The following CELSR1 variants were observed in gnomAD, a reference collection of about 807,000 sequenced individuals.
CELSR1 encodes cadherin EGF LAG seven-pass G-type receptor 1, also known as adhesion G protein-coupled receptor C1.
A neutral mutation model predicts 249.1 loss-of-function variants in CELSR1; 110 were observed. That is an observed-to-expected ratio of 0.44 (90% CI 0.38 to 0.52). The LOEUF is 0.52. CELSR1 is among the 20% of genes least tolerant of loss of function. CELSR1 has a pLI of 0.00. For missense variants in CELSR1, 4,109 were observed against 4,296.4 expected (o/e 0.96, Z 1.22); for synonymous variants, 2,113 against 1,900.0 (o/e 1.11, Z -2.92).
At chr22:46,503,354 C>T (rs1337799326) in intron 1 of CELSR1, among the ~76,000 whole-genome samples, 3 of 152,236 alleles carry the variant, frequency 2.0e-5, no homozygotes, top group Admixed American at 6.5e-5. Context: ...GCACGCAGGA[C>T]GGGAGCCACA....
rs1361300913 is a variant in CELSR1, at chr22:46,473,053, G to T, written c.3545-8708C>A. On this transcript the variant is annotated intron_variant, in intron 1 of 34. Transcript: ENST00000674500. This position sits in a 1 kb window ranked among gnomAD's most constrained non-coding sequence, Gnocchi z 6.6. ...AACCCCGGGAATGCAGAGTAGCGGA[G>T]AGACACGGGCACGGAGGCAGGGGGT... is the stretch of plus-strand genomic sequence containing the variant. Among the ~76,000 whole-genome samples, 1 of 152,170 alleles carries T rather than the reference G, an allele frequency of 6.6e-6. No individual in the cohort carries two copies. The highest frequency in any genetic ancestry group is 1.5e-5 in the Non-Finnish European group (1 of 68,028).
chr22:46,367,052 G>A lies in CELSR1; in HGVS notation c.8146C>T (p.Leu2716Phe), dbSNP rs754271083. 2.5e-6 allele frequency: 4 copies of A among 1,611,192 alleles called. No individual in the cohort carries two copies. Among genetic ancestry groups the A allele is most frequent in the East Asian group, 4.5e-5 (2 of 44,870 alleles). ...TCCAGGTGCAGCTTCCTCCCGCCGA[G>A]CACGCCCTTCAGGTGCTTCCGGACC... Reference protein sequence around the residue: ...QEVRKHLKGVLGGRKLHLEDS... With the variant: ...QEVRKHLKGVFGGRKLHLEDS... The change falls in exon 29 of 35, where the codon CTC becomes TTC. Residue 2716 changes from leucine to phenylalanine, a missense_variant. Transcript: ENST00000674500.
At position 46,518,161 on chromosome 22, in the gene CELSR1, C is replaced by T. The variant is rs993226687; in HGVS notation, c.3544+15466G>A. Among the ~76,000 whole-genome samples the T allele has an allele frequency of 9.2e-5, 14 of 152,128 alleles. No individual in the cohort carries two copies. The highest frequency in any genetic ancestry group is 1.4e-4 in the African/African-American group (6 of 41,412). ...CTCAGGTGATGTGATCCATCCATCT[C>T]GACCTCCCAAAGTGCTGTGATTGCA... On this transcript the variant is annotated intron_variant, in intron 1 of 34. Coordinates refer to ENST00000674500, the MANE Select transcript of CELSR1 (RefSeq NM_001378328.1). The surrounding 1 kb of genome is among the most constrained non-coding windows in gnomAD (Gnocchi z 5.2).
intron 5 of CELSR1, among the ~76,000 whole-genome samples, chr22:46,418,932 G>T (rs9626869): frequency 6.6e-6 from 1 of 152,204 alleles, no homozygotes; most frequent in Admixed American, 6.5e-5. Context: ...CACAAGAACC[G>T]TGGGTCCGGA....
At chr22:46,482,954 C>T (rs185587772) in intron 1 of CELSR1, among the ~76,000 whole-genome samples, 20 of 152,248 alleles carry the variant, frequency 1.3e-4, no homozygotes, top group Admixed American at 1.2e-3. Context: ...CACGCACACA[C>T]AACAGAGCTG....
chr22:46,403,536 G>A (rs757273649), intron 9 of CELSR1, among the ~76,000 whole-genome samples: 13 of 150,390 alleles, frequency 8.6e-5, no homozygotes, highest in Non-Finnish European at 1.3e-4. Flanking sequence ...CAGCCTGGGC[G>A]ACAGAGCAAG....
At chr22:46,387,693 C>A (rs2147241506) in intron 18 of CELSR1, among the ~76,000 whole-genome samples, 1 of 152,222 alleles carries the variant, frequency 6.6e-6, no homozygotes, top group African/African-American at 2.4e-5. Flanking sequence ...TTTCATAAAT[C>A]CTGAACCCCA....
At chr22:46,457,078 G>C (rs78523820) in intron 2 of CELSR1, among the ~76,000 whole-genome samples, 72 of 152,288 alleles carry the variant, frequency 4.7e-4, no homozygotes, top group Non-Finnish European at 9.4e-4. Flanking sequence ...TCCACGTGGC[G>C]TGGACGTACA....
rs561505132 is a variant in CELSR1, at chr22:46,464,781, C to A, written c.3545-436G>T. The stretch of plus-strand genomic sequence containing the variant: ...CCTCCTCTGCACCTGCCCTGGCCTC[C>A]AGGGATCCCACCCTGCCCAACCTCC... On this transcript the variant is annotated intron_variant, in intron 1 of 34. Transcript: ENST00000674500. The surrounding 1 kb of genome is among the most constrained non-coding windows in gnomAD (Gnocchi z 8.5). Among the ~76,000 whole-genome samples the A allele has an allele frequency of 3.3e-5, 5 of 152,260 alleles. No individual in the cohort carries two copies. Among genetic ancestry groups the A allele is most frequent in the African/African-American group, 1.2e-4 (5 of 41,558 alleles).
Position 46,450,932 on chromosome 22 carries a change from G to A in CELSR1, c.4184-11521C>T, listed in dbSNP as rs73454559. The stretch of plus-strand genomic sequence containing the variant: ...TGAGTGAAACAGCTCATTTGGTACG[G>A]CTGTGAGCTACGCACCTGCGCAAGG... On this transcript the variant is annotated intron_variant, in intron 2 of 34. Coordinates refer to ENST00000674500, the MANE Select transcript of CELSR1 (RefSeq NM_001378328.1). Among the ~76,000 whole-genome samples, 1,250 of 152,308 alleles carry A rather than the reference G, an allele frequency of 8.2e-3. 14 individuals carry two copies. Among genetic ancestry groups the A allele is most frequent in the African/African-American group, 0.028 (1,173 of 41,560 alleles).
intron 2 of CELSR1, among the ~76,000 whole-genome samples, chr22:46,462,109 C>A (rs571962307): frequency 4.6e-5 from 7 of 152,208 alleles, no homozygotes; most frequent in Non-Finnish European, 8.8e-5. Flanking sequence ...GCCGCCTCTG[C>A]CTGCCTGCCT....
Position 46,433,972 on chromosome 22 carries a change from C to T in CELSR1, c.4523-491G>A, listed in dbSNP as rs1486150255. 6.6e-6 allele frequency among the ~76,000 whole-genome samples: 1 copy of T among 152,156 alleles called. No individual in the cohort carries two copies. Among genetic ancestry groups the T allele is most frequent in the Non-Finnish European group, 1.5e-5 (1 of 68,026 alleles). ...TGCTGGGATAACGGGCGTGAGCCAC[C>T]GCGCCTGGCCTTGTTCCTTTTCTAA... On this transcript the variant is annotated intron_variant, in intron 4 of 34. Transcript: ENST00000674500. The surrounding 1 kb of genome is among the most constrained non-coding windows in gnomAD (Gnocchi z 5.7).
rs780981462 is a variant in CELSR1 at position 46,535,380 on chromosome 22, G to A, written c.1791C>T (p.Asn597=). The stretch of plus-strand genomic sequence containing the variant: ...CCACCAGGCGATAGTGCAGCCGGGC[G>A]TTCTCTCCAGAGTCCGCGTCCACCG... ...IQAVDADSGE[N]ARLHYRLVDT... Residue 597 remains asparagine (N), a synonymous_variant, in exon 1 of 35, where the codon AAC becomes AAT. Transcript: ENST00000674500. 5.6e-6 allele frequency: 9 copies of A among 1,611,506 alleles called. No homozygotes were observed. Among genetic ancestry groups the A allele is most frequent in the East Asian group, 4.5e-5 (2 of 44,890 alleles).
chr22:46,389,258 T>C (rs545014927), intron 18 of CELSR1, 32 bp downstream of exon 18: 1 of 1,598,038 alleles, frequency 6.3e-7, no homozygotes, highest in East Asian at 2.2e-5. Flanking sequence ...TCCCCGAGTG[T>C]CCCCGAGCCA....
rs889304705 is a variant in CELSR1 at position 46,472,932 on chromosome 22, T to C, written c.3545-8587A>G. On this transcript the variant is annotated intron_variant, in intron 1 of 34. Transcript: ENST00000674500. This position sits in a 1 kb window ranked among gnomAD's most constrained non-coding sequence, Gnocchi z 7.0. ...CGCACCGGAAGCCAGTACAGCCTCA[T>C]GTCAACACCTCAATTACAGCTGCAA... Among the ~76,000 whole-genome samples the C allele has an allele frequency of 1.3e-5, 2 of 152,212 alleles. No homozygotes were observed. Among genetic ancestry groups the C allele is most frequent in the African/African-American group, 4.8e-5 (2 of 41,446 alleles).
chr22:46,436,097 A>G lies in CELSR1; in HGVS notation c.4522+77T>C, dbSNP rs150256682. ...AGGGTAAGCAGCTTGGAGGCGCTGCACAGGGCGAGGGTCGTTTTAACCCAC... is the reference window on the plus strand; with the variant it reads ...AGGGTAAGCAGCTTGGAGGCGCTGCGCAGGGCGAGGGTCGTTTTAACCCAC... On this transcript the variant is annotated intron_variant, in intron 4 of 34. Transcript: ENST00000674500. The surrounding 1 kb of genome is among the most constrained non-coding windows in gnomAD (Gnocchi z 5.9). 8.6e-5 allele frequency: 97 copies of G among 1,130,528 alleles called. 1 individual carries two copies. In the African/African-American group the frequency reaches 1.1e-3, roughly 13 times the overall value. 70.0% of individuals were successfully genotyped at this position (1,130,528 alleles called of 1,614,324 possible).
chr22:46,376,919 G>A (rs922047314), intron 24 of CELSR1, 142 bp downstream of exon 24: 21 of 823,624 alleles, frequency 2.5e-5, no homozygotes, highest in African/African-American at 2.0e-4. Flanking sequence ...GACCAGGCAC[G>A]TTCCTGAAAG....
intron 5 of CELSR1, among the ~76,000 whole-genome samples, chr22:46,416,018 G>A (rs558227496): frequency 6.6e-6 from 1 of 151,686 alleles, no homozygotes; most frequent in South Asian, 2.1e-4. Flanking sequence ...CTGTGGGGTG[G>A]CGTGTCCGCC....
chr22:46,434,921 T>C lies in CELSR1; in HGVS notation c.4522+1253A>G, dbSNP rs8141747. Among the ~76,000 whole-genome samples the C allele has an allele frequency of 0.018, 2,709 of 151,976 alleles. 77 individuals are homozygous for C. The highest frequency in any genetic ancestry group is 0.062 in the African/African-American group (2,583 of 41,452). The stretch of plus-strand genomic sequence containing the variant: ...CTGAGGCATGAGAATCGCTTGAACC[T>C]GGGAGGTGGAGGTCGCAGTGAGCCA... On this transcript the variant is annotated intron_variant, in intron 4 of 34. Coordinates refer to ENST00000674500, the MANE Select transcript of CELSR1 (RefSeq NM_001378328.1). This position sits in a 1 kb window ranked among gnomAD's most constrained non-coding sequence, Gnocchi z 4.9.
Sources: allele counts gnomAD v4.1 joint callset (sites outside exome capture counted in the v4.1 genomes callset), GRCh38; gene constraint gnomAD v4.1.1; non-coding constraint Gnocchi (gnomAD v3.1); transcripts MANE v1.5; gene names NCBI Gene and HGNC (gene_info 2026-07-23, HGNC 2026-07-21).